Variants in LSM4 observed in about 807,000 individuals in gnomAD.
LSM4 encodes the protein LSM4 homolog, U6 small nuclear RNA and mRNA degradation associated.
LSM4 carries 15 observed loss-of-function variants against 22.3 expected under a neutral mutation model. That is an observed-to-expected ratio of 0.67 (90% CI 0.45 to 1.03). The LOEUF is 1.03. Ranked by LOEUF, LSM4 falls within the 50% of genes least tolerant of loss-of-function variation. The pLI is 0.00. For missense variants in LSM4, 127 were observed against 198.0 expected, an observed-to-expected ratio of 0.64 and a Z score of 2.15; for synonymous variants, 90 against 79.8, an observed-to-expected ratio of 1.13 and a Z score of -0.68.
At chr19:18,318,796 C>A (rs528704326) in intron 1 of LSM4, among the ~76,000 whole-genome samples, 3 of 152,264 alleles carry the variant, frequency 2.0e-5, no homozygotes, top group Non-Finnish European at 4.4e-5. Context: ...AGGCAGGTAG[C>A]TTGTAGACAC....
At chr19:18,307,682 G>A in intron 4 of LSM4, 127 bp from the exon 5 acceptor site, 1 of 609,694 alleles carries the variant, frequency 1.6e-6, no homozygotes, top group Non-Finnish European at 2.7e-6. Flanking sequence ...TGTGTGAGGT[G>A]GTGACTGAGG....
chr19:18,318,641 A>ACCT (rs1472429547), intron 1 of LSM4, among the ~76,000 whole-genome samples: 2 of 152,104 alleles, frequency 1.3e-5, no homozygotes, highest in Non-Finnish European at 2.9e-5. Flanking sequence ...GGGACCTTGG[A>ACCT]CCTCCTCCTG....
intron 1 of LSM4, among the ~76,000 whole-genome samples, chr19:18,320,725 G>C (rs111324051): frequency 3.1e-4 from 47 of 152,102 alleles, no homozygotes; most frequent in African/African-American, 1.1e-3. Context: ...CTCTCGGAGA[G>C]GTGGAGGTTG....
chr19:18,317,699 A>AC (rs1970373259), intron 1 of LSM4, among the ~76,000 whole-genome samples: 2 of 147,378 alleles, frequency 1.4e-5, no homozygotes, highest in South Asian at 4.3e-4. Flanking sequence ...AACTTTCAAG[A>AC]TTTTTTTTTT....
chr19:18,307,784 TGC>T (rs1021000505), intron 4 of LSM4, among the ~76,000 whole-genome samples: 2 of 37,454 alleles, frequency 5.3e-5, no homozygotes, highest in African/African-American at 1.2e-4. Flanking sequence ...CCCCCAGGGA[TGC>T]GGGGGGGGGG....
intron 1 of LSM4, among the ~76,000 whole-genome samples, chr19:18,317,407 A>C (rs1422899210): frequency 2.7e-5 from 4 of 147,902 alleles, no homozygotes; most frequent in Admixed American, 6.8e-5. Flanking sequence ...ATCTCGGCTT[A>C]CTACAAGCTC....
chr19:18,312,817 A>G, intron 2 of LSM4, 115 bp from the exon 3 acceptor site: 1 of 770,292 alleles, frequency 1.3e-6, no homozygotes, highest in South Asian at 1.6e-5. Context: ...CTCAGCCCAC[A>G]GTTCCCAGAC....
At chr19:18,316,157 G>C (rs753688153) in intron 1 of LSM4, 92 bp from the exon 2 acceptor site, 3 of 1,217,142 alleles carry the variant, frequency 2.5e-6, no homozygotes, top group South Asian at 2.6e-5. Context: ...TAGATGGTGC[G>C]GTGCGGTTGA....
intron 2 of LSM4, among the ~76,000 whole-genome samples, chr19:18,314,557 G>A (rs915306405): frequency 2.0e-5 from 3 of 151,920 alleles, no homozygotes; most frequent in African/African-American, 7.3e-5. Context: ...ACGGAGTATC[G>A]TCTGGCTATA....
chr19:18,309,137 G>A (rs140625505), intron 4 of LSM4, among the ~76,000 whole-genome samples: 57 of 152,244 alleles, frequency 3.7e-4, no homozygotes, highest in African/African-American at 1.3e-3. Flanking sequence ...TCCGGGGGCA[G>A]CCATGCCGTG....
At chr19:18,322,895 G>A (rs954464560) in intron 1 of LSM4, 123 bp downstream of exon 1, 26 of 1,376,592 alleles carry the variant, frequency 1.9e-5, no homozygotes, top group African/African-American at 8.7e-5. Context: ...CCGGGGGGCG[G>A]GACTCGAGGC....
At chr19:18,321,846 C>T (rs984113036) in intron 1 of LSM4, among the ~76,000 whole-genome samples, 1 of 152,112 alleles carries the variant, frequency 6.6e-6, no homozygotes, top group Non-Finnish European at 1.5e-5. Context: ...TTCAACACTC[C>T]CGTCGATGAC....
intron 1 of LSM4, among the ~76,000 whole-genome samples, chr19:18,318,247 C>A (rs1970380815): frequency 1.3e-5 from 2 of 152,246 alleles, no homozygotes; most frequent in African/African-American, 4.8e-5. Context: ...TGGCCCTCAA[C>A]CCTGGCCGGG....
chr19:18,307,228 A>G lies in LSM4; in HGVS notation c.*236T>C. 2.4e-6 allele frequency: 1 copy of G among 419,246 alleles called. No homozygotes were observed. Among genetic ancestry groups the G allele is most frequent in the Non-Finnish European group, 4.2e-6 (1 of 236,022 alleles). 26.0% of individuals were successfully genotyped at this position (419,246 alleles called of 1,614,324 possible). On this transcript the variant is annotated 3_prime_UTR_variant, in exon 5 of 5. Coordinates refer to ENST00000593829, the MANE Select transcript of LSM4 (RefSeq NM_012321.5). ...TCAACACAGACTCTTCTAGGAATCC[A>G]GCCAGTTTTGGGACGGCCGTTTCAC...
At chr19:18,322,481 T>C (rs960763958) in intron 1 of LSM4, among the ~76,000 whole-genome samples, 1 of 152,154 alleles carries the variant, frequency 6.6e-6, no homozygotes, top group Non-Finnish European at 1.5e-5. Context: ...ACATGCTATG[T>C]GACCCAAGGA....
At chr19:18,309,515 G>A in intron 4 of LSM4, 163 bp downstream of exon 4, 1 of 693,440 alleles carries the variant, frequency 1.4e-6, no homozygotes, top group Non-Finnish European at 2.3e-6. Context: ...AGGTCTCGGG[G>A]CTCCTCTGCC....
intron 2 of LSM4, among the ~76,000 whole-genome samples, chr19:18,314,029 G>A (rs1046682175): frequency 6.6e-6 from 1 of 151,976 alleles, no homozygotes; most frequent in Non-Finnish European, 1.5e-5. Context: ...GGCCAGGCTG[G>A]TCTTGAACTC....
chr19:18,309,996 G>A, intron 3 of LSM4, 135 bp from the exon 4 acceptor site: 3 of 790,954 alleles, frequency 3.8e-6, no homozygotes, highest in Non-Finnish European at 6.0e-6. Flanking sequence ...ATCAGTCCCG[G>A]GACATACGTG....
chr19:18,312,499 A>G (rs1970308944), intron 3 of LSM4, 105 bp downstream of exon 3: 1 of 920,620 alleles, frequency 1.1e-6, no homozygotes, highest in African/African-American at 1.6e-5. Context: ...GAGCAGTCCT[A>G]GGCGGCCTCC....
Sources: gnomAD v4.1 joint callset for allele counts (sites outside exome capture counted in the v4.1 genomes callset) on GRCh38, gnomAD v4.1.1 for gene constraint, MANE v1.5 for transcripts, NCBI Gene and HGNC (gene_info 2026-07-23, HGNC 2026-07-21) for gene names.